Variants in PPP1R10 observed in about 807,000 individuals in gnomAD.
PPP1R10 encodes the protein protein phosphatase 1 regulatory subunit 10, also known as serine/threonine-protein phosphatase 1 regulatory subunit 10.
In PPP1R10, 15 loss-of-function variants were observed where a neutral mutation model predicts 99.0. The observed-to-expected ratio is 0.15, with a 90% CI of 0.10 to 0.23. The LOEUF (loss-of-function observed/expected upper bound fraction) is 0.23. Ranked by LOEUF, PPP1R10 falls within the 10% of genes least tolerant of loss-of-function variation. PPP1R10 has a pLI of 1.00. For missense variants in PPP1R10, 947 were observed against 1,259.4 expected, an observed-to-expected ratio of 0.75 and a Z score of 3.75; for synonymous variants, 430 against 449.5, an observed-to-expected ratio of 0.96 and a Z score of 0.55.
chr6:30,604,870 A>G lies in PPP1R10; in HGVS notation c.954+124T>C, dbSNP rs375472670. 187 of 1,508,754 alleles carry G rather than the reference A, an allele frequency of 1.2e-4. 8 individuals carry two copies. Among genetic ancestry groups the G allele is most frequent in the East Asian group, 8.3e-4 (37 of 44,372 alleles). 93.5% of individuals were successfully genotyped at this position (1,508,754 alleles called of 1,614,324 possible). A position where few individuals can be genotyped will look rare whatever the true frequency, so the allele number is the denominator to read the frequency against. On this transcript the variant is annotated intron_variant, in intron 11 of 19. Transcript: ENST00000376511. This position sits in a 1 kb window ranked among gnomAD's most constrained non-coding sequence, Gnocchi z 7.3. The stretch of plus-strand genomic sequence containing the variant: ...TCTGTCTCCACAATGTCTCACCTGC[A>G]CCAGTCTATATCCAAGGCAAAACGC...
intron 19 of PPP1R10, 74 bp from the exon 20 acceptor site, chr6:30,601,732 T>C: frequency 7.0e-7 from 1 of 1,426,490 alleles, no homozygotes; most frequent in Non-Finnish European, 9.7e-7. Context: ...CCCTTGTCCA[T>C]GACATCCTGA....
At chr6:30,613,203 CAATTA>C (rs1393333728) in intron 2 of PPP1R10, among the ~76,000 whole-genome samples, 1 of 152,134 alleles carries the variant, frequency 6.6e-6, no homozygotes, top group Non-Finnish European at 1.5e-5. Flanking sequence ...GAGGGTTATT[CAATTA>C]AATAGGGTGA....
In PPP1R10 at chr6:30,601,269, CA is replaced by C. The variant is rs1258036459; in HGVS notation, c.*279del. On this transcript the variant is annotated 3_prime_UTR_variant, in exon 20 of 20. Coordinates refer to ENST00000376511, the MANE Select transcript of PPP1R10 (RefSeq NM_002714.4). ...TAATACTGGAAAGGGGTTTGGGGTA[CA>C]GGGCGAATCTTCTCAAAAAGTGAAG... 1 of 480,164 alleles carries C rather than the reference CA, an allele frequency of 2.1e-6. No individual in the cohort carries two copies. Among genetic ancestry groups the C allele is most frequent in the East Asian group, 3.3e-5 (1 of 30,192 alleles). 29.7% of individuals were successfully genotyped at this position (480,164 alleles called of 1,614,324 possible).
chr6:30,616,838 C>G lies in PPP1R10; in HGVS notation c.-372G>C, dbSNP rs1760623605. The G allele has an allele frequency of 6.6e-6, 1 of 152,164 alleles. No homozygotes were observed. The highest frequency in any genetic ancestry group is 2.4e-5 in the African/African-American group (1 of 41,390). 9.4% of individuals were successfully genotyped at this position (152,164 alleles called of 1,614,324 possible). A position where few individuals can be genotyped will look rare whatever the true frequency, so the allele number is the denominator to read the frequency against. On this transcript the variant is annotated 5_prime_UTR_variant, in exon 2 of 20. Coordinates refer to ENST00000376511, the MANE Select transcript of PPP1R10 (RefSeq NM_002714.4). ...AAGCAGCGTGGGCTGGTGGGGTGGG[C>G]AAGATAGGTGGGAAGGGGCAGAAGA...
chr6:30,604,946 T>C lies in PPP1R10; in HGVS notation c.954+48A>G. Reference sequence around the variant, plus strand: ...CTAGCTGCTGTGCCCTTTCTTCTACTTTACCTTTTATACTCTGTCACTGAA... The same window carrying C: ...CTAGCTGCTGTGCCCTTTCTTCTACCTTACCTTTTATACTCTGTCACTGAA... On this transcript the variant is annotated intron_variant, in intron 11 of 19. Transcript: ENST00000376511. The surrounding 1 kb of genome is among the most constrained non-coding windows in gnomAD (Gnocchi z 7.3). 1 of 1,590,058 alleles carries C rather than the reference T, an allele frequency of 6.3e-7. No homozygotes were observed. The highest frequency in any genetic ancestry group is 8.6e-7 in the Non-Finnish European group (1 of 1,159,338).
Position 30,606,092 on chromosome 6 carries a change from T to G in PPP1R10, c.740+46A>C. 1 of 1,612,848 alleles carries G rather than the reference T, an allele frequency of 6.2e-7. No individual in the cohort carries two copies. The highest frequency in any genetic ancestry group is 8.5e-7 in the Non-Finnish European group (1 of 1,178,868). On this transcript the variant is annotated intron_variant, in intron 9 of 19. Coordinates refer to ENST00000376511, the MANE Select transcript of PPP1R10 (RefSeq NM_002714.4). This position sits in a 1 kb window ranked among gnomAD's most constrained non-coding sequence, Gnocchi z 6.3. ...CGACTCACCCCCTCCTGCTCCCTTG[T>G]GTCCACAGATCCACCCCATTCAGAG...
Position 30,604,871 on chromosome 6 carries a change from C to T in PPP1R10, c.954+123G>A. On this transcript the variant is annotated intron_variant, in intron 11 of 19. Coordinates refer to ENST00000376511, the MANE Select transcript of PPP1R10 (RefSeq NM_002714.4). This position sits in a 1 kb window ranked among gnomAD's most constrained non-coding sequence, Gnocchi z 7.3. ...CTGTCTCCACAATGTCTCACCTGCA[C>T]CAGTCTATATCCAAGGCAAAACGCC... 6.0e-6 allele frequency: 9 copies of T among 1,509,640 alleles called. No homozygotes were observed. The highest frequency in any genetic ancestry group is 2.3e-5 in the South Asian group (2 of 88,884). 93.5% of individuals were successfully genotyped at this position (1,509,640 alleles called of 1,614,324 possible).
intron 2 of PPP1R10, among the ~76,000 whole-genome samples, chr6:30,612,650 T>C (rs1288773485): frequency 6.6e-6 from 1 of 152,342 alleles, no homozygotes; most frequent in East Asian, 1.9e-4. Context: ...TTTCTCATGA[T>C]GGCCTTCCTT....
At chr6:30,603,984 G>A (rs1033834991) in intron 14 of PPP1R10, 24 bp downstream of exon 14, 1 of 1,558,392 alleles carries the variant, frequency 6.4e-7, no homozygotes, top group Non-Finnish European at 8.7e-7. Context: ...CAACATCCCA[G>A]GGCACGAACC....
intron 2 of PPP1R10, among the ~76,000 whole-genome samples, chr6:30,616,262 G>A (rs1331243555): frequency 6.6e-6 from 1 of 152,196 alleles, no homozygotes; most frequent in Non-Finnish European, 1.5e-5. Flanking sequence ...CTCTTTGCCT[G>A]CAGCAAGGCA....
intron 2 of PPP1R10, among the ~76,000 whole-genome samples, chr6:30,615,136 G>T (rs1760326254): frequency 6.6e-6 from 1 of 151,718 alleles, no homozygotes; most frequent in Non-Finnish European, 1.5e-5. Context: ...AAAGACGGAG[G>T]GACGCCATTT....
intron 1 of PPP1R10, 47 bp downstream of exon 1, chr6:30,617,177 C>T (rs1038481783): frequency 1.3e-5 from 2 of 153,626 alleles, no homozygotes; most frequent in Admixed American, 1.3e-4. Context: ...AGATCCAACG[C>T]TCTCCGCAAA....
rs1326081403 is a variant in PPP1R10, at chr6:30,602,951, C to T, written c.1852G>A (p.Gly618Arg). The T allele has an allele frequency of 2.6e-6, 4 of 1,545,410 alleles. No homozygotes were observed. The highest frequency in any genetic ancestry group is 3.5e-6 in the Non-Finnish European group (4 of 1,144,638). The change falls in exon 18 of 20, where the codon GGA becomes AGA. Residue 618 changes from glycine to arginine, a missense_variant. By Grantham distance (125) the Gly-to-Arg change is moderately radical. This residue lies in a region of PPP1R10 where 525 missense variants were observed against 578.8 expected (regional missense o/e 0.91). Coordinates refer to ENST00000376511, the MANE Select transcript of PPP1R10 (RefSeq NM_002714.4). The surrounding 1 kb of genome is among the most constrained non-coding windows in gnomAD (Gnocchi z 6.7). ...DKIKQMLVPH[G>R]LLGPGPIANG... is the part of the protein sequence containing the mutation. ...GCTATTGGGCCAGGGCCTAGGAGTC[C>T]ATGTGGCACTGTTAATGAAAACAAG...
chr6:30,603,367 AGT>A lies in PPP1R10; in HGVS notation c.1768-84_1768-83del. The stretch of plus-strand genomic sequence containing the variant: ...AAGATAGCGCCAAAGATTAGGGGTA[AGT>A]GGGTAGATGTGGAGAACTGGGGTAA... On this transcript the variant is annotated intron_variant, in intron 16 of 19. Transcript: ENST00000376511. 3.2e-6 allele frequency: 5 copies of A among 1,576,302 alleles called. No homozygotes were observed. The South Asian group carries it at 5.5e-5, about 17-fold the overall frequency.
At chr6:30,611,573 G>GA (rs1275660660) in intron 2 of PPP1R10, among the ~76,000 whole-genome samples, 6 of 152,156 alleles carry the variant, frequency 3.9e-5, no homozygotes, top group Non-Finnish European at 7.4e-5. Context: ...TCAAACAAAA[G>GA]AAAAAACATA....
In PPP1R10 at chr6:30,616,860, A is replaced by C. The variant is rs1453123871; in HGVS notation, c.-394T>G. 4 of 152,276 alleles carry C rather than the reference A, an allele frequency of 2.6e-5. No homozygotes were observed. Among genetic ancestry groups the C allele is most frequent in the Non-Finnish European group, 5.9e-5 (4 of 68,092 alleles). 9.4% of individuals were successfully genotyped at this position (152,276 alleles called of 1,614,324 possible). On this transcript the variant is annotated 5_prime_UTR_variant, in exon 2 of 20. Transcript: ENST00000376511. ...GGGCAAGATAGGTGGGAAGGGGCAG[A>C]AGACACAAGTGGTTGGGCTGGTGGC...
At position 30,604,595 on chromosome 6, in the gene PPP1R10, C is replaced by T; in HGVS notation, c.1095G>A (p.Met365Ile). Residue 365 changes from methionine to isoleucine, a missense_variant, in exon 12 of 20, where the codon ATG becomes ATA. By Grantham distance (10) the Met-to-Ile change is conservative. Around this residue, in one of 10 missense-constraint regions of PPP1R10, gnomAD observed 100 missense variants for 105.8 expected, o/e 0.94. Coordinates refer to ENST00000376511, the MANE Select transcript of PPP1R10 (RefSeq NM_002714.4). The surrounding 1 kb of genome is among the most constrained non-coding windows in gnomAD (Gnocchi z 7.3). ...AACCAGTTTCTAGATTACCTGTATC[C>T]ATGAGCTCCGGGACTTCAACAGGGG... ...PVPPVEVPEL[M>I]DTASLEPGAL... 1.2e-6 allele frequency: 2 copies of T among 1,613,056 alleles called. No individual in the cohort carries two copies. Among genetic ancestry groups the T allele is most frequent in the Non-Finnish European group, 1.7e-6 (2 of 1,180,028 alleles).
rs1318692212 is a variant in PPP1R10, at chr6:30,602,957, G to T, written c.1846C>A (p.Pro616Thr). 6.5e-7 allele frequency: 1 copy of T among 1,542,914 alleles called. No individual in the cohort carries two copies. The highest frequency in any genetic ancestry group is 1.4e-5 in the African/African-American group (1 of 72,610). The change falls in exon 18 of 20, where the codon CCA (proline) becomes ACA (threonine). Residue 616 changes from proline to threonine, a missense_variant and splice_region_variant. Coordinates refer to ENST00000376511, the MANE Select transcript of PPP1R10 (RefSeq NM_002714.4). This position sits in a 1 kb window ranked among gnomAD's most constrained non-coding sequence, Gnocchi z 6.7. ...GGGCCAGGGCCTAGGAGTCCATGTGGCACTGTTAATGAAAACAAGAGTAAC... is the reference window on the plus strand; with the variant it reads ...GGGCCAGGGCCTAGGAGTCCATGTGTCACTGTTAATGAAAACAAGAGTAAC... ...YSDKIKQMLV[P>T]HGLLGPGPIA...
In PPP1R10 at chr6:30,607,835, C is replaced by T; in HGVS notation, c.382+5G>A. On this transcript the variant is annotated splice_donor_5th_base_variant and intron_variant, in intron 6 of 19. Coordinates refer to ENST00000376511, the MANE Select transcript of PPP1R10 (RefSeq NM_002714.4). ...GCCCATGAGAGAGCAGAAGTGGCAC[C>T]CTACCTTCATCCTCACTTGACTTGC... 1 of 1,612,620 alleles carries T rather than the reference C, an allele frequency of 6.2e-7. No homozygotes were observed. Among genetic ancestry groups the T allele is most frequent in the East Asian group, 2.2e-5 (1 of 44,888 alleles).
Sources: gnomAD v4.1 joint callset for allele counts (sites outside exome capture counted in the v4.1 genomes callset) on GRCh38, gnomAD v4.1.1 for gene constraint, gnomAD v4.1.1 regional missense constraint, Gnocchi (gnomAD v3.1) non-coding constraint, MANE v1.5 for transcripts, NCBI Gene and HGNC (gene_info 2026-07-23, HGNC 2026-07-21) for gene names.